TANC2: variants seen among roughly 807,000 people sequenced by gnomAD.
TANC2 encodes tetratricopeptide repeat, ankyrin repeat and coiled-coil containing 2.
In TANC2, 26 loss-of-function variants were observed where a neutral mutation model predicts 210.5. The ratio of observed to expected loss-of-function variants is 0.12; its 90% CI spans 0.09 to 0.17. The LOEUF (loss-of-function observed/expected upper bound fraction) is 0.17, where lower values mean the gene tolerates loss of function less well. Ranked by LOEUF, TANC2 falls within the 10% of genes least tolerant of loss-of-function variation. The pLI, the probability that TANC2 is intolerant of heterozygous loss-of-function variation, is 1.00. For missense variants in TANC2, 2,129 were observed against 2,608.9 expected (o/e 0.82, Z 4.01); for synonymous variants, 931 against 967.1 (o/e 0.96, Z 0.69).
At chr17:63,196,382 A>G (rs1165536631) in intron 6 of TANC2, among the ~76,000 whole-genome samples, 2 of 152,240 alleles carry the variant, frequency 1.3e-5, no homozygotes, top group Non-Finnish European at 2.9e-5. Context: ...TGACTGTTAT[A>G]GTAATGACCA....
chr17:63,273,012 G>A (rs574911522), intron 9 of TANC2, among the ~76,000 whole-genome samples: 1 of 152,248 alleles, frequency 6.6e-6, no homozygotes, highest in South Asian at 2.1e-4. Flanking sequence ...AGGCGGCTAT[G>A]GCTGTCCCTG....
chr17:63,255,091 ATTTATTTATTTATT>A (rs1009070022), intron 8 of TANC2, among the ~76,000 whole-genome samples: 7 of 145,862 alleles, frequency 4.8e-5, no homozygotes, highest in Non-Finnish European at 6.0e-5. Flanking sequence ...TTATTTATTT[ATTTATTTATTTATT>A]TTTATTTATT....
intron 1 of TANC2, among the ~76,000 whole-genome samples, chr17:62,989,262 A>G (rs1230446919): frequency 3.3e-5 from 5 of 152,240 alleles, no homozygotes; most frequent in Admixed American, 6.5e-5. Flanking sequence ...GAACAGATAG[A>G]AGATCAGAAG....
intron 3 of TANC2, among the ~76,000 whole-genome samples, chr17:63,089,895 T>C (rs1176637225): frequency 6.6e-6 from 1 of 152,176 alleles, no homozygotes; most frequent in African/African-American, 2.4e-5. Context: ...AAATCATAAG[T>C]GTACAGTGAG....
chr17:63,108,740 C>G (rs941104934), intron 4 of TANC2, among the ~76,000 whole-genome samples: 4 of 151,482 alleles, frequency 2.6e-5, no homozygotes, highest in African/African-American at 9.8e-5. Context: ...ACCCGTGAGG[C>G]AGAGGTTGCA....
At chr17:62,996,269 T>A (rs1328231274) in intron 1 of TANC2, among the ~76,000 whole-genome samples, 1 of 152,090 alleles carries the variant, frequency 6.6e-6, no homozygotes, top group Non-Finnish European at 1.5e-5. Context: ...TATATTTGAG[T>A]CCTTGTGGAC....
chr17:63,206,847 T>A (rs976591343), intron 7 of TANC2, among the ~76,000 whole-genome samples: 2 of 152,252 alleles, frequency 1.3e-5, no homozygotes, highest in African/African-American at 2.4e-5. Context: ...CCCTGAATTA[T>A]ACACTTAAAA....
intron 2 of TANC2, among the ~76,000 whole-genome samples, chr17:63,037,528 T>C (rs2035020183): frequency 6.6e-6 from 1 of 152,094 alleles, no homozygotes; most frequent in Non-Finnish European, 1.5e-5. Context: ...CATATATATA[T>C]ATAGGCTGGG....
chr17:63,200,737 GT>G (rs770474399), intron 6 of TANC2, 33 bp from the exon 7 acceptor site: 25 of 1,583,176 alleles, frequency 1.6e-5, no homozygotes, highest in Non-Finnish European at 2.2e-5. Flanking sequence ...AGCTGATCAG[GT>G]TATCTTACTT....
chr17:63,138,104 C>T (rs77787736), intron 4 of TANC2, among the ~76,000 whole-genome samples: 10 of 152,092 alleles, frequency 6.6e-5, no homozygotes, highest in African/African-American at 1.7e-4. Flanking sequence ...CCAGACGTTT[C>T]GCAAAGTTCA....
intron 12 of TANC2, among the ~76,000 whole-genome samples, chr17:63,347,958 G>T (rs893743973): frequency 6.6e-6 from 1 of 152,122 alleles, no homozygotes; most frequent in Admixed American, 6.5e-5. Context: ...TGTAAAGATA[G>T]TGTCTCACGA....
At chr17:63,292,762 AACACAGTTAACAGCCAG>A (rs1445776649) in intron 9 of TANC2, among the ~76,000 whole-genome samples, 1 of 152,206 alleles carries the variant, frequency 6.6e-6, no homozygotes, top group African/African-American at 2.4e-5. Context: ...GATAACAGCT[AACACAGTTAACAGCCAG>A]ACACTGTCCT....
At chr17:62,973,594 A>G (rs1297453493) in intron 1 of TANC2, among the ~76,000 whole-genome samples, 1 of 152,246 alleles carries the variant, frequency 6.6e-6, no homozygotes, top group Non-Finnish European at 1.5e-5. Context: ...TATTACTCAG[A>G]GTAAGTCCTG....
In TANC2 at chr17:63,051,963, C is replaced by G. The variant is rs906174087; in HGVS notation, c.68-21980C>G. Among the ~76,000 whole-genome samples, 10 of 152,238 alleles carry G rather than the reference C, an allele frequency of 6.6e-5. No homozygotes were observed. The East Asian group carries it at 1.5e-3, about 23-fold the overall frequency. ...ACAATGGGTTTATCAAGACATAACC[C>G]TGTCGTAAGGTGAGGAAAAAACATA... On this transcript the variant is annotated intron_variant, in intron 2 of 27. Transcript: ENST00000689528.
intron 6 of TANC2, among the ~76,000 whole-genome samples, chr17:63,200,187 C>T (rs576546415): frequency 6.6e-6 from 1 of 152,006 alleles, no homozygotes; most frequent in African/African-American, 2.4e-5. Flanking sequence ...GAAACCCCAT[C>T]TCTACTAAAA....
chr17:63,055,990 A>ATATATAT (rs1555769555), intron 2 of TANC2, among the ~76,000 whole-genome samples: 3 of 10,096 alleles, frequency 3.0e-4, no homozygotes, highest in Non-Finnish European at 6.5e-4. Context: ...AAAAAAAAAA[A>ATATATAT]ATATATATAT....
At chr17:63,296,161 A>G (rs1156968773) in intron 9 of TANC2, among the ~76,000 whole-genome samples, 1 of 152,198 alleles carries the variant, frequency 6.6e-6, no homozygotes, top group Non-Finnish European at 1.5e-5. Context: ...TGAAGCAACC[A>G]TTAAGCTGGC....
chr17:63,357,381 C>T (rs1025134507), intron 14 of TANC2, among the ~76,000 whole-genome samples: 1 of 152,200 alleles, frequency 6.6e-6, no homozygotes, highest in Non-Finnish European at 1.5e-5. Flanking sequence ...CAGGCTTTGC[C>T]TTCTCAACAT....
chr17:63,352,505 C>G (rs1015156199), intron 13 of TANC2, among the ~76,000 whole-genome samples: 1 of 152,036 alleles, frequency 6.6e-6, no homozygotes, highest in African/African-American at 2.4e-5. Context: ...TTATTAGTAG[C>G]TTGATTGTTA....
Sources: gnomAD v4.1 joint callset for allele counts (sites outside exome capture counted in the v4.1 genomes callset) on GRCh38, gnomAD v4.1.1 for gene constraint, MANE v1.5 for transcripts, NCBI Gene and HGNC (gene_info 2026-07-23, HGNC 2026-07-21) for gene names.